Variants in EYS observed in about 807,000 individuals in gnomAD.
EYS encodes EGF-like photoreceptor maintenance factor, also known as protein eyes shut homolog.
Under a neutral mutation model 282.1 loss-of-function variants are expected in EYS, and 250 were observed. That is an observed-to-expected ratio of 0.89 (90% CI 0.80 to 0.98). The LOEUF (loss-of-function observed/expected upper bound fraction) is 0.98, where lower values mean the gene tolerates loss of function less well. EYS is among the 50% of genes least tolerant of loss of function. The pLI is 0.00. For missense variants in EYS, 4,016 were observed against 3,709.0 expected (o/e 1.08, Z -2.15); for synonymous variants, 1,355 against 1,282.9 (o/e 1.06, Z -1.20).
chr6:65,403,136 C>T (rs1000631569), intron 6 of EYS, among the ~76,000 whole-genome samples: 1 of 151,984 alleles, frequency 6.6e-6, no homozygotes, highest in African/African-American at 2.4e-5. Context: ...AAACAATATC[C>T]TAGCTGAGAC....
chr6:65,264,362 C>T (rs998158521), intron 12 of EYS, among the ~76,000 whole-genome samples: 2 of 152,082 alleles, frequency 1.3e-5, no homozygotes, highest in Admixed American at 1.3e-4. Context: ...CATTTCATTG[C>T]AAATTGTTTT....
chr6:65,337,388 A>T (rs868168267), intron 10 of EYS, among the ~76,000 whole-genome samples: 6 of 151,458 alleles, frequency 4.0e-5, no homozygotes, highest in Non-Finnish European at 7.4e-5. Context: ...TTCTACATCC[A>T]GAGGATATTA....
chr6:63,948,957 G>A lies in EYS; in HGVS notation c.7055+35426C>T, dbSNP rs192010041. 3.9e-3 allele frequency among the ~76,000 whole-genome samples: 589 copies of A among 151,924 alleles called. 4 individuals carry two copies. The highest frequency in any genetic ancestry group is 0.013 in the African/African-American group (549 of 41,424). Reference sequence around the variant, plus strand: ...TGTGTCATGTGTTTATCTTCCCTATGTCTTATTATTTCTGTATTTTCAGAA... The same window carrying A: ...TGTGTCATGTGTTTATCTTCCCTATATCTTATTATTTCTGTATTTTCAGAA... On this transcript the variant is annotated intron_variant, in intron 35 of 42. Transcript: ENST00000503581.
chr6:64,008,733 A>G (rs1405506428), intron 33 of EYS, among the ~76,000 whole-genome samples: 1 of 152,200 alleles, frequency 6.6e-6, no homozygotes, highest in Admixed American at 6.5e-5. Context: ...AACTTAGTTT[A>G]ACTGAGTGTG....
chr6:64,719,354 G>T (rs1478454927), intron 22 of EYS, among the ~76,000 whole-genome samples: 1 of 151,982 alleles, frequency 6.6e-6, no homozygotes, highest in Non-Finnish European at 1.5e-5. Context: ...TTTATTATGG[G>T]AACAATAGAA....
intron 12 of EYS, among the ~76,000 whole-genome samples, chr6:65,247,804 G>C (rs1473241431): frequency 2.6e-5 from 4 of 151,778 alleles, no homozygotes; most frequent in Admixed American, 2.6e-4. Context: ...CTTTAAAATT[G>C]GGTGTTCAGT....
chr6:63,784,678 G>T (rs1770320675), intron 39 of EYS, among the ~76,000 whole-genome samples: 1 of 151,776 alleles, frequency 6.6e-6, no homozygotes, highest in Non-Finnish European at 1.5e-5. Context: ...CAGCAAGGGG[G>T]AAATCTACCC....
intron 40 of EYS, among the ~76,000 whole-genome samples, chr6:63,776,896 T>C (rs903013841): frequency 3.9e-5 from 6 of 152,204 alleles, no homozygotes; most frequent in Non-Finnish European, 7.3e-5. Context: ...TACAACTCTT[T>C]AGATAAAGTG....
In EYS at chr6:64,310,076, A is replaced by T. The variant is rs1051222001; in HGVS notation, c.6079-2994T>A. 3.7e-4 allele frequency among the ~76,000 whole-genome samples: 49 copies of T among 132,432 alleles called. 1 individual carries two copies. Among genetic ancestry groups the T allele is most frequent in the African/African-American group, 1.2e-3 (39 of 32,978 alleles). 86.9% of individuals were successfully genotyped at this position (132,432 alleles called of 152,430 possible). A position where few individuals can be genotyped will look rare whatever the true frequency, so the allele number is the denominator to read the frequency against. On this transcript the variant is annotated intron_variant, in intron 29 of 42. Transcript: ENST00000503581. ...TATTAAAAGTAAAAAAAATAAAAAA[A>T]AAAATAACAGATGCTGGCAAGATTG...
At chr6:63,784,279 C>T (rs938159193) in intron 39 of EYS, among the ~76,000 whole-genome samples, 2 of 152,158 alleles carry the variant, frequency 1.3e-5, no homozygotes, top group African/African-American at 2.4e-5. Context: ...CTCTCTCTCT[C>T]TCTGTGCACA....
chr6:65,074,401 C>T (rs750799698), intron 12 of EYS, among the ~76,000 whole-genome samples: 15 of 151,924 alleles, frequency 9.9e-5, no homozygotes, highest in African/African-American at 3.6e-4. Context: ...ATAATCTTGC[C>T]TGTTTCTACT....
At chr6:63,930,449 T>A (rs1764855216) in intron 35 of EYS, among the ~76,000 whole-genome samples, 1 of 152,192 alleles carries the variant, frequency 6.6e-6, no homozygotes, top group Admixed American at 6.5e-5. Flanking sequence ...CTGCATAGAT[T>A]AGTAGTGTGC....
At chr6:64,212,245 G>T (rs1388095207) in intron 31 of EYS, among the ~76,000 whole-genome samples, 2 of 151,856 alleles carry the variant, frequency 1.3e-5, no homozygotes, top group Non-Finnish European at 2.9e-5. Context: ...AATTACAAAA[G>T]TAGGACTACT....
chr6:65,418,819 A>G (rs776448963), intron 5 of EYS, among the ~76,000 whole-genome samples: 13 of 151,914 alleles, frequency 8.6e-5, no homozygotes, highest in Non-Finnish European at 1.9e-4. Flanking sequence ...CATGTATCCC[A>G]TTTTTTTAGA....
chr6:64,784,846 T>C (rs1773969565), intron 22 of EYS, among the ~76,000 whole-genome samples: 1 of 152,178 alleles, frequency 6.6e-6, no homozygotes. Context: ...ATGTGTAAAG[T>C]GTCTCTAGGT....
intron 36 of EYS, among the ~76,000 whole-genome samples, chr6:63,833,391 G>A (rs1246516605): frequency 6.6e-6 from 1 of 152,098 alleles, no homozygotes; most frequent in Non-Finnish European, 1.5e-5. Flanking sequence ...AAATCAATGT[G>A]CAAAAATCAC....
At chr6:64,811,013 T>C (rs1764575334) in intron 22 of EYS, among the ~76,000 whole-genome samples, 1 of 152,090 alleles carries the variant, frequency 6.6e-6, no homozygotes, top group Non-Finnish European at 1.5e-5. Flanking sequence ...AAATATCAAA[T>C]AATAATTTTA....
intron 2 of EYS, among the ~76,000 whole-genome samples, chr6:65,621,137 A>T (rs1341293369): frequency 6.6e-6 from 1 of 152,058 alleles, no homozygotes; most frequent in Non-Finnish European, 1.5e-5. Flanking sequence ...TGATCTGTCT[A>T]ATGTTGACAG....
At chr6:63,789,703 A>T (rs1770459285) in intron 37 of EYS, among the ~76,000 whole-genome samples, 1 of 152,214 alleles carries the variant, frequency 6.6e-6, no homozygotes, top group Non-Finnish European at 1.5e-5. Flanking sequence ...TTATTCTATT[A>T]CAAAAGCTCT....
Sources: gnomAD v4.1 joint callset for allele counts (sites outside exome capture counted in the v4.1 genomes callset) on GRCh38, gnomAD v4.1.1 for gene constraint, MANE v1.5 for transcripts, NCBI Gene and HGNC (gene_info 2026-07-23, HGNC 2026-07-21) for gene names.